The following CDK17 variants were observed in gnomAD, a reference collection of about 807,000 sequenced individuals.
CDK17 encodes cyclin-dependent kinase 17.
Under a neutral mutation model 77.6 loss-of-function variants are expected in CDK17, and 24 were observed. That is an observed-to-expected ratio of 0.31 (90% CI 0.22 to 0.44). The LOEUF is 0.44. CDK17 is among the 20% of genes least tolerant of loss of function. CDK17 has a pLI of 1.00. For synonymous variants in CDK17, 203 were observed against 210.4 expected, an observed-to-expected ratio of 0.96 and a Z score of 0.30; for missense variants, 429 against 622.5, an observed-to-expected ratio of 0.69 and a Z score of 3.31.
chr12:96,285,954 T>G (rs1394610808), intron 13 of CDK17, 89 bp downstream of exon 13: 2 of 686,460 alleles, frequency 2.9e-6, no homozygotes, highest in African/African-American at 3.7e-5. Flanking sequence ...TATTATGTAT[T>G]TTTTCCTGAA....
rs554623655 is a variant in CDK17 at position 96,304,250 on chromosome 12, G to C, written c.544-3890C>G. Among the ~76,000 whole-genome samples, 18 of 152,168 alleles carry C rather than the reference G, an allele frequency of 1.2e-4. No homozygotes were observed. In the East Asian group the frequency reaches 3.1e-3, roughly 26 times the overall value. On this transcript the variant is annotated intron_variant, in intron 5 of 16. Coordinates refer to ENST00000261211, the MANE Select transcript of CDK17 (RefSeq NM_002595.5). ...AGAGTGAGTATATATTAATACATAA[G>C]AAACGGGGCCGGGCACGGTGGCTCA...
chr12:96,320,344 G>A (rs10745754), intron 3 of CDK17, among the ~76,000 whole-genome samples: 59,915 of 142,278 alleles, frequency 0.42, 13,445 homozygotes, highest in African/African-American at 0.59. Flanking sequence ...CATGCTCATG[G>A]GTAGGAAGAA....
At position 96,280,880 on chromosome 12, in the gene CDK17, A is replaced by T. The variant is rs777841034; in HGVS notation, c.1462T>A (p.Ser488Thr). 6.2e-7 allele frequency: 1 copy of T among 1,612,816 alleles called. No homozygotes were observed. ...TGAATCTCTTTCAAACTGAATATTGATACACCTAAAATGCATAGACAAAAA... is the reference window on the plus strand; with the variant it reads ...TGAATCTCTTTCAAACTGAATATTGTTACACCTAAAATGCATAGACAAAAA... ...PRIHALPESV[S>T]IFSLKEIQLQ... The change falls in exon 16 of 17, where the codon TCA (serine) becomes ACA (threonine). Residue 488 changes from serine (S) to threonine (T), a missense_variant. Physicochemically the swap from Ser to Thr is moderately conservative, Grantham distance 58 (BLOSUM62 1). This residue lies in a region of CDK17 where 115 missense variants were observed against 124.2 expected (regional missense o/e 0.93). Transcript: ENST00000261211.
rs138678258 is a variant in CDK17 at position 96,306,148 on chromosome 12, A to G, written c.543+4904T>C. Among the ~76,000 whole-genome samples the G allele has an allele frequency of 2.0e-3, 299 of 152,310 alleles. 2 individuals are homozygous for G. In the South Asian group the frequency reaches 0.025, roughly 13 times the overall value. Reference sequence around the variant, plus strand: ...ATCTATGCGAGATTGATGACCATAAATTTATATTAGACCCATTCAGCCCTA... The same window carrying G: ...ATCTATGCGAGATTGATGACCATAAGTTTATATTAGACCCATTCAGCCCTA... On this transcript the variant is annotated intron_variant, in intron 5 of 16. Transcript: ENST00000261211.
chr12:96,319,684 G>A (rs1952788395), intron 3 of CDK17, among the ~76,000 whole-genome samples: 2 of 135,686 alleles, frequency 1.5e-5, no homozygotes, highest in East Asian at 2.1e-4. Context: ...TATAAACAGA[G>A]CCAAAGACAA....
chr12:96,351,995 A>G (rs182959235), intron 1 of CDK17, among the ~76,000 whole-genome samples: 12 of 152,324 alleles, frequency 7.9e-5, no homozygotes, highest in Non-Finnish European at 1.5e-4. Context: ...AAATAAATCA[A>G]CTAAATTCTA....
At chr12:96,349,206 A>G (rs1953273536) in intron 1 of CDK17, among the ~76,000 whole-genome samples, 1 of 152,124 alleles carries the variant, frequency 6.6e-6, no homozygotes, top group Admixed American at 6.6e-5. Flanking sequence ...ATAATCTCAG[A>G]ACTTTGGGAG....
chr12:96,324,092 T>C lies in CDK17; in HGVS notation c.139A>G (p.Arg47Gly), dbSNP rs370471368. 1.2e-6 allele frequency: 2 copies of C among 1,607,340 alleles called. No homozygotes were observed. The highest frequency in any genetic ancestry group is 1.7e-6 in the Non-Finnish European group (2 of 1,176,858). ...KDNEPIVKNG[R>G]PPTSHSMHSF... ...TGCATACTGTGAGACGTTGGAGGCC[T>C]GCCATTCTTCACAATAGGCTCTGTG... The change falls in exon 3 of 17, where the codon AGG becomes GGG. Residue 47 changes from arginine to glycine, a missense_variant. Around this residue, in one of 4 missense-constraint regions of CDK17, gnomAD observed 262 missense variants for 385.4 expected, o/e 0.68. Coordinates refer to ENST00000261211, the MANE Select transcript of CDK17 (RefSeq NM_002595.5).
At chr12:96,330,389 C>T (rs887953554) in intron 2 of CDK17, among the ~76,000 whole-genome samples, 2 of 151,976 alleles carry the variant, frequency 1.3e-5, no homozygotes, top group Admixed American at 6.6e-5. Context: ...ATTCTTATAA[C>T]ATTAACCATT....
At chr12:96,344,010 T>C (rs766334423) in intron 1 of CDK17, among the ~76,000 whole-genome samples, 4 of 152,174 alleles carry the variant, frequency 2.6e-5, no homozygotes, top group Non-Finnish European at 5.9e-5. Flanking sequence ...AATTATAAAA[T>C]GGAATCAAAC....
At chr12:96,301,700 T>C (rs1952507533) in intron 5 of CDK17, among the ~76,000 whole-genome samples, 1 of 152,158 alleles carries the variant, frequency 6.6e-6, no homozygotes. Flanking sequence ...GTGTATAAAT[T>C]ATGCCAGATG....
At chr12:96,331,711 T>C (rs1952970626) in intron 2 of CDK17, among the ~76,000 whole-genome samples, 1 of 152,198 alleles carries the variant, frequency 6.6e-6, no homozygotes, top group Non-Finnish European at 1.5e-5. Context: ...ATTATGGGTA[T>C]AAGTATAACC....
intron 2 of CDK17, among the ~76,000 whole-genome samples, chr12:96,328,289 T>C (rs1952917025): frequency 6.6e-6 from 1 of 152,104 alleles, no homozygotes; most frequent in Non-Finnish European, 1.5e-5. Flanking sequence ...TGATTGTACA[T>C]TATGGTGAGT....
chr12:96,376,329 T>A (rs1210659647), intron 1 of CDK17, among the ~76,000 whole-genome samples: 2 of 152,216 alleles, frequency 1.3e-5, no homozygotes, highest in Non-Finnish European at 2.9e-5. Flanking sequence ...AACTATTATA[T>A]CATGATCCTC....
At chr12:96,291,418 A>G (rs1362215916) in intron 10 of CDK17, among the ~76,000 whole-genome samples, 1 of 151,924 alleles carries the variant, frequency 6.6e-6, no homozygotes, top group African/African-American at 2.4e-5. Context: ...CAGCCTCCCA[A>G]CTGGCTGGGA....
In CDK17 at chr12:96,300,291, G is replaced by A; in HGVS notation, c.600+13C>T. ...AAAAAAATGTGTCTTACATTTTTGAGATATTTACTTACCTCTCCAAGCTTT... is the reference window on the plus strand; with the variant it reads ...AAAAAAATGTGTCTTACATTTTTGAAATATTTACTTACCTCTCCAAGCTTT... On this transcript the variant is annotated intron_variant, in intron 6 of 16. Transcript: ENST00000261211. The A allele has an allele frequency of 6.5e-7, 1 of 1,547,830 alleles. No homozygotes were observed. The highest frequency in any genetic ancestry group is 8.8e-7 in the Non-Finnish European group (1 of 1,131,494).
At chr12:96,329,402 T>G (rs73366530) in intron 2 of CDK17, among the ~76,000 whole-genome samples, 6 of 152,218 alleles carry the variant, frequency 3.9e-5, no homozygotes, top group Non-Finnish European at 7.3e-5. Context: ...CAATGATTTT[T>G]ACCACCACAA....
At chr12:96,353,355 A>G (rs906409625) in intron 1 of CDK17, among the ~76,000 whole-genome samples, 2 of 152,182 alleles carry the variant, frequency 1.3e-5, no homozygotes, top group Non-Finnish European at 2.9e-5. Flanking sequence ...TGGCTATACT[A>G]TGTAGCAGAA....
intron 4 of CDK17, among the ~76,000 whole-genome samples, chr12:96,311,959 A>G (rs1374432090): frequency 6.6e-6 from 1 of 152,194 alleles, no homozygotes; most frequent in Non-Finnish European, 1.5e-5. Context: ...AAATCCAAAA[A>G]CATTCTAAAA....
Sources: gnomAD v4.1 joint callset for allele counts (sites outside exome capture counted in the v4.1 genomes callset) on GRCh38, gnomAD v4.1.1 for gene constraint, gnomAD v4.1.1 regional missense constraint, MANE v1.5 for transcripts, NCBI Gene and HGNC (gene_info 2026-07-23, HGNC 2026-07-21) for gene names.